LEKR1: variants seen among roughly 807,000 people sequenced by gnomAD.
The protein encoded by LEKR1 is protein LEKR1.
A neutral mutation model predicts 72.4 loss-of-function variants in LEKR1; 59 were observed. The observed-to-expected ratio is 0.82, with a 90% CI of 0.66 to 1.01. LEKR1 has a LOEUF of 1.01. Among genes scored for constraint, LEKR1 ranks in the 50% least tolerant of loss-of-function variants. LEKR1 has a pLI of 0.00. For missense variants in LEKR1, 728 were observed against 759.2 expected (o/e 0.96, Z 0.48); for synonymous variants, 257 against 263.2 (o/e 0.98, Z 0.23).
chr3:156,882,379 C>A (rs1477265837), intron 3 of LEKR1, among the ~76,000 whole-genome samples: 2 of 152,088 alleles, frequency 1.3e-5, no homozygotes, highest in African/African-American at 4.8e-5. Flanking sequence ...GACATTTATG[C>A]AGCCAAAAGA....
chr3:156,853,946 A>G (rs1047125774), intron 3 of LEKR1, among the ~76,000 whole-genome samples: 1 of 152,002 alleles, frequency 6.6e-6, no homozygotes, highest in Non-Finnish European at 1.5e-5. Context: ...ACTTTCTTTA[A>G]TAAAATGTAT....
intron 1 of LEKR1, among the ~76,000 whole-genome samples, chr3:156,827,781 A>G (rs145481952): frequency 1.3e-3 from 193 of 152,362 alleles, no homozygotes; most frequent in African/African-American, 4.3e-3. Context: ...AGATTCACAG[A>G]CAATGAAGGC....
intron 10 of LEKR1, 117 bp from the exon 11 acceptor site, chr3:157,024,643 T>C: frequency 1.2e-6 from 1 of 819,838 alleles, no homozygotes; most frequent in East Asian, 2.9e-5. Flanking sequence ...ATTTTTAAAA[T>C]AGTTTAATTA....
intron 6 of LEKR1, among the ~76,000 whole-genome samples, chr3:156,952,072 A>G (rs990329538): frequency 1.3e-5 from 2 of 151,506 alleles, no homozygotes; most frequent in Non-Finnish European, 3.0e-5. Context: ...AAAATGATAT[A>G]TAGGGTTTTG....
chr3:156,968,222 G>A (rs974019883), intron 6 of LEKR1, among the ~76,000 whole-genome samples: 3 of 152,192 alleles, frequency 2.0e-5, no homozygotes, highest in East Asian at 1.9e-4. Flanking sequence ...ATCAACTAAC[G>A]AGCAAAATAA....
Position 156,926,645 on chromosome 3 carries a change from TC to T in LEKR1, c.384-782del, listed in dbSNP as rs1198639149. 3.3e-5 allele frequency among the ~76,000 whole-genome samples: 5 copies of T among 152,116 alleles called. No individual in the cohort carries two copies. In the East Asian group the frequency reaches 9.6e-4, roughly 29 times the overall value. On this transcript the variant is annotated intron_variant, in intron 4 of 12. Coordinates refer to ENST00000356539, the MANE Select transcript of LEKR1 (RefSeq NM_001004316.3). ...CTAGCACTTCTCACTTTTCCATTTCTCCAACTGAGGAGGAATCTATTTTATT... is the reference window on the plus strand; with the variant it reads ...CTAGCACTTCTCACTTTTCCATTTCTCAACTGAGGAGGAATCTATTTTATT...
chr3:156,902,879 T>A (rs1722168567), intron 3 of LEKR1, among the ~76,000 whole-genome samples: 1 of 152,042 alleles, frequency 6.6e-6, no homozygotes, highest in South Asian at 2.1e-4. Context: ...TTATACAGTT[T>A]AATATCCTGA....
At chr3:156,999,820 G>C (rs1052436301) in intron 9 of LEKR1, among the ~76,000 whole-genome samples, 3 of 152,162 alleles carry the variant, frequency 2.0e-5, no homozygotes, top group East Asian at 1.9e-4. Context: ...GGTGAAGCAG[G>C]TGTCATTTTC....
Position 156,927,444 on chromosome 3 carries a change from G to A in LEKR1, c.399G>A (p.Glu133=). Residue 133 remains glutamate (E), a synonymous_variant, in exon 5 of 13, where the codon GAG becomes GAA. Coordinates refer to ENST00000356539, the MANE Select transcript of LEKR1 (RefSeq NM_001004316.3). ...QSYIFSQRLS[E]YKYFWNKTLS... ...TACTTTGCAGTCAAAGATTGTCAGA[G>A]TACAAATATTTCTGGAATAAGACTC... 2 of 1,102,528 alleles carry A rather than the reference G, an allele frequency of 1.8e-6. No homozygotes were observed. The highest frequency in any genetic ancestry group is 9.2e-5 in the East Asian group (1 of 10,914). 68.3% of individuals were successfully genotyped at this position (1,102,528 alleles called of 1,614,324 possible).
At chr3:156,962,002 C>G (rs981813173) in intron 6 of LEKR1, among the ~76,000 whole-genome samples, 2 of 152,214 alleles carry the variant, frequency 1.3e-5, no homozygotes, top group African/African-American at 4.8e-5. Context: ...TTTAATTTCT[C>G]TTTGCCCAAA....
chr3:156,981,402 C>T (rs184021247), intron 7 of LEKR1, among the ~76,000 whole-genome samples: 4 of 152,250 alleles, frequency 2.6e-5, no homozygotes, highest in African/African-American at 7.2e-5. Context: ...GTCCATCAAA[C>T]TAATTATCTG....
intron 6 of LEKR1, among the ~76,000 whole-genome samples, chr3:156,974,472 C>A (rs960577407): frequency 6.6e-6 from 1 of 152,060 alleles, no homozygotes; most frequent in African/African-American, 2.4e-5. Context: ...AAACTGACAA[C>A]GCTCCTTGTT....
intron 3 of LEKR1, among the ~76,000 whole-genome samples, chr3:156,897,831 T>C (rs1318357987): frequency 6.6e-6 from 1 of 152,008 alleles, no homozygotes; most frequent in East Asian, 1.9e-4. Context: ...CAGGTGCCTG[T>C]AATTCCAGTT....
At chr3:156,924,550 T>C in intron 4 of LEKR1, 1 of 672,212 alleles carries the variant, frequency 1.5e-6, no homozygotes, top group South Asian at 1.6e-5. Flanking sequence ...AGAAGGATTT[T>C]CTCCTGTATT....
At chr3:157,030,071 C>T (rs186200963) in intron 12 of LEKR1, among the ~76,000 whole-genome samples, 91 of 152,274 alleles carry the variant, frequency 6.0e-4, no homozygotes, top group Admixed American at 2.8e-3. Context: ...AAGCATAGTT[C>T]TGGCGAGGAC....
At chr3:156,960,691 A>G (rs1728046301) in intron 6 of LEKR1, among the ~76,000 whole-genome samples, 1 of 152,172 alleles carries the variant, frequency 6.6e-6, no homozygotes, top group Non-Finnish European at 1.5e-5. Flanking sequence ...GAGATGCTCA[A>G]AAATTTAAAT....
rs565500893 is a variant in LEKR1 at position 157,018,633 on chromosome 3, A to T, written c.1204-6127A>T. On this transcript the variant is annotated intron_variant, in intron 10 of 12. Coordinates refer to ENST00000356539, the MANE Select transcript of LEKR1 (RefSeq NM_001004316.3). ...GGGGGACAGCTTACATGAAAAAAAA[A>T]CTAAACACACTGAGCTATAGAGTTC... 2.6e-5 allele frequency among the ~76,000 whole-genome samples: 4 copies of T among 152,278 alleles called. No individual in the cohort carries two copies. The South Asian group carries it at 8.3e-4, about 32-fold the overall frequency.
intron 6 of LEKR1, among the ~76,000 whole-genome samples, chr3:156,976,162 T>C (rs1053679381): frequency 6.6e-6 from 1 of 152,160 alleles, no homozygotes; most frequent in Admixed American, 6.6e-5. Flanking sequence ...AGTAGGATGT[T>C]TATATTTCAT....
chr3:156,911,597 A>G (rs1037091955), intron 3 of LEKR1, among the ~76,000 whole-genome samples: 4 of 151,900 alleles, frequency 2.6e-5, no homozygotes, highest in African/African-American at 7.3e-5. Flanking sequence ...TGAGAAGGCT[A>G]TTTCCTAGGT....
Sources: allele counts gnomAD v4.1 joint callset (sites outside exome capture counted in the v4.1 genomes callset), GRCh38; gene constraint gnomAD v4.1.1; transcripts MANE v1.5; gene names NCBI Gene and HGNC (gene_info 2026-07-23, HGNC 2026-07-21).